The following OTUD7B variants were observed in gnomAD, a reference collection of about 807,000 sequenced individuals.
The protein encoded by OTUD7B is OTU deubiquitinase 7B.
OTUD7B carries 34 observed loss-of-function variants against 82.2 expected under a neutral mutation model. That is an observed-to-expected ratio of 0.41 (90% CI 0.31 to 0.55). OTUD7B has a LOEUF of 0.55. Among genes scored for constraint, OTUD7B ranks in the 20% least tolerant of loss-of-function variants. The pLI, the probability that OTUD7B is intolerant of heterozygous loss-of-function variation, is 0.20. For synonymous variants in OTUD7B, 398 were observed against 402.7 expected, an observed-to-expected ratio of 0.99 and a Z score of 0.14; for missense variants, 944 against 1,062.1, an observed-to-expected ratio of 0.89 and a Z score of 1.55.
intron 7 of OTUD7B, among the ~76,000 whole-genome samples, chr1:149,950,799 C>CTTT (rs782415026): frequency 0.051 from 6,477 of 128,098 alleles, 479 homozygotes; most frequent in Non-Finnish European, 0.075. Context: ...GTTTTTTTTT[C>CTTT]TTTTTTTTTT....
At chr1:150,023,829 T>C in the OTUD7B span, among the ~76,000 whole-genome samples, 1 of 152,222 alleles carries the variant, frequency 6.6e-6, no homozygotes, top group East Asian at 1.9e-4. Context: ...ATGGATATGT[T>C]AGTTAGCTTG....
At chr1:150,037,325 A>C in the OTUD7B span, among the ~76,000 whole-genome samples, 1 of 151,912 alleles carries the variant, frequency 6.6e-6, no homozygotes, top group South Asian at 2.1e-4. Flanking sequence ...ATAGTGAATC[A>C]AATACAAGCA....
chr1:150,013,206 C>G (rs1263452322), upstream of OTUD7B, among the ~76,000 whole-genome samples: 3 of 152,208 alleles, frequency 2.0e-5, no homozygotes, highest in Admixed American at 2.0e-4. Flanking sequence ...GTCCAAAGTT[C>G]TTTTCCACCC....
At chr1:150,040,700 G>C in the OTUD7B span, among the ~76,000 whole-genome samples, 7 of 127,916 alleles carry the variant, frequency 5.5e-5, no homozygotes, top group Middle Eastern at 7.5e-3. Flanking sequence ...CTAGACTTGA[G>C]ACCTTTTCTT....
chr1:150,054,808 CAAAAAA>C, the OTUD7B span: 7 of 41,726 alleles, frequency 1.7e-4, no homozygotes, highest in Non-Finnish European at 2.4e-4. Context: ...AACTCAGTCT[CAAAAAA>C]AAAAAAAAAA....
At chr1:150,047,017 G>GCCAA in the OTUD7B span, among the ~76,000 whole-genome samples, 1 of 152,088 alleles carries the variant, frequency 6.6e-6, no homozygotes, top group African/African-American at 2.4e-5. Flanking sequence ...ATTGCAGTGA[G>GCCAA]CCAAGATCAT....
intron 7 of OTUD7B, among the ~76,000 whole-genome samples, chr1:149,950,773 C>T (rs1157805051): frequency 5.2e-5 from 7 of 134,932 alleles, no homozygotes; most frequent in African/African-American, 2.0e-4. Context: ...CCAATTCCAT[C>T]TCCCGTGTGT....
At chr1:150,037,350 A>G in the OTUD7B span, among the ~76,000 whole-genome samples, 2 of 152,084 alleles carry the variant, frequency 1.3e-5, no homozygotes, top group African/African-American at 4.8e-5. Context: ...CCTTGTATAA[A>G]CCCCACTAAA....
At chr1:150,015,792 T>A in the OTUD7B span, among the ~76,000 whole-genome samples, 10 of 152,044 alleles carry the variant, frequency 6.6e-5, no homozygotes, top group African/African-American at 2.4e-4. Flanking sequence ...GGGCGGGGGC[T>A]GAGTGGGAGG....
At chr1:150,066,123 T>C in the OTUD7B span, among the ~76,000 whole-genome samples, 6 of 152,316 alleles carry the variant, frequency 3.9e-5, no homozygotes, top group East Asian at 1.2e-3. The surrounding 1 kb of genome is among the most constrained non-coding windows in gnomAD (Gnocchi z 4.6). Context: ...GGAAAAATCT[T>C]CTATACTGCA....
chr1:149,957,687 G>C (rs1206984062), intron 7 of OTUD7B, among the ~76,000 whole-genome samples: 4 of 152,210 alleles, frequency 2.6e-5, no homozygotes, highest in African/African-American at 9.7e-5. Context: ...GCTCCACCCA[G>C]TTCGAGCTTC....
At chr1:150,002,554 T>A (rs1279053143) in intron 1 of OTUD7B, among the ~76,000 whole-genome samples, 1 of 152,176 alleles carries the variant, frequency 6.6e-6, no homozygotes, top group African/African-American at 2.4e-5. Context: ...TGATGTTAAG[T>A]CCTTCTATCT....
In OTUD7B at chr1:149,971,521, C is replaced by T. The variant is rs1418168665; in HGVS notation, c.86-270G>A. ...AAAAGAGCCCTTAAAGATCTAGTAA[C>T]CGAAAATTAAAACTTCCTTTTACAG... On this transcript the variant is annotated intron_variant, in intron 2 of 11. Coordinates refer to ENST00000581312, the MANE Select transcript of OTUD7B (RefSeq NM_020205.4). Among the ~76,000 whole-genome samples, 4 of 152,188 alleles carry T rather than the reference C, an allele frequency of 2.6e-5. No homozygotes were observed. The East Asian group carries it at 5.8e-4, about 22-fold the overall frequency.
At chr1:149,956,757 T>C (rs1553774633) in intron 7 of OTUD7B, among the ~76,000 whole-genome samples, 1 of 152,240 alleles carries the variant, frequency 6.6e-6, no homozygotes. Context: ...TTCTCTGAAC[T>C]TCTCTTCTCA....
In OTUD7B at chr1:149,968,877, AT is replaced by A. The variant is rs587685973; in HGVS notation, c.275-1357del. On this transcript the variant is annotated intron_variant, in intron 3 of 11. Coordinates refer to ENST00000581312, the MANE Select transcript of OTUD7B (RefSeq NM_020205.4). The stretch of plus-strand genomic sequence containing the variant: ...AGGCACACGCCACCACACCCAGCTA[AT>A]TTTTTTTTTTATTTTAGCAGAGACG... Among the ~76,000 whole-genome samples, 59 of 148,378 alleles carry A rather than the reference AT, an allele frequency of 4.0e-4. 1 individual carries two copies. The East Asian group carries it at 6.5e-3, about 16-fold the overall frequency.
chr1:150,017,916 T>C, the OTUD7B span, among the ~76,000 whole-genome samples: 1 of 152,234 alleles, frequency 6.6e-6, no homozygotes, highest in South Asian at 2.1e-4. Flanking sequence ...TCAGTGACTA[T>C]ATCTAATTGG....
At position 149,967,181 on chromosome 1, in the gene OTUD7B, C is replaced by T. The variant is rs1271181585; in HGVS notation, c.502+113G>A. Reference sequence around the variant, plus strand: ...TTTATCCCACTGACTCCTGACTTTGCAATCAGATAACACACTTAAACTGGA... The same window carrying T: ...TTTATCCCACTGACTCCTGACTTTGTAATCAGATAACACACTTAAACTGGA... On this transcript the variant is annotated intron_variant, in intron 4 of 11. Transcript: ENST00000581312. The T allele has an allele frequency of 1.1e-5, 7 of 649,966 alleles. No homozygotes were observed. The East Asian group carries it at 1.9e-4, about 18-fold the overall frequency. 40.3% of individuals were successfully genotyped at this position (649,966 alleles called of 1,614,324 possible).
At chr1:150,019,899 AG>A in the OTUD7B span, among the ~76,000 whole-genome samples, 1 of 148,594 alleles carries the variant, frequency 6.7e-6, no homozygotes, top group Admixed American at 6.7e-5. Context: ...TACTTTGGGA[AG>A]CTGAAGCGGG....
upstream of OTUD7B, among the ~76,000 whole-genome samples, chr1:150,014,126 T>C (rs1653201267): frequency 8.2e-6 from 1 of 121,894 alleles, no homozygotes; most frequent in Non-Finnish European, 1.7e-5. Context: ...CAGCCAGGCA[T>C]GGTGGATCCT....
Sources: allele counts gnomAD v4.1 joint callset (sites outside exome capture counted in the v4.1 genomes callset), GRCh38; gene constraint gnomAD v4.1.1; non-coding constraint Gnocchi (gnomAD v3.1); transcripts MANE v1.5; gene names NCBI Gene and HGNC (gene_info 2026-07-23, HGNC 2026-07-21).